Variants in ZNF704 observed in about 807,000 individuals in gnomAD.
ZNF704 encodes zinc finger protein 704.
In ZNF704, 10 loss-of-function variants were observed where a neutral mutation model predicts 44.7. The observed-to-expected ratio is 0.22, with a 90% CI of 0.14 to 0.38. The LOEUF (loss-of-function observed/expected upper bound fraction) is 0.38, where lower values mean the gene tolerates loss of function less well. Among genes scored for constraint, ZNF704 ranks in the 10% least tolerant of loss-of-function variants. ZNF704 has a pLI of 1.00. For synonymous variants in ZNF704, 211 were observed against 207.6 expected (o/e 1.02, Z -0.14); for missense variants, 390 against 545.5 (o/e 0.71, Z 2.84).
chr8:80,868,696 A>C (rs1197958934), intron 1 of ZNF704, among the ~76,000 whole-genome samples: 1 of 152,224 alleles, frequency 6.6e-6, no homozygotes, highest in Non-Finnish European at 1.5e-5. Flanking sequence ...GTTTGAATTA[A>C]TATTACTGCG....
chr8:80,796,957 G>T (rs1037591418), intron 2 of ZNF704, among the ~76,000 whole-genome samples: 3 of 124,820 alleles, frequency 2.4e-5, no homozygotes, highest in Admixed American at 1.8e-4. Flanking sequence ...GAGGGAGGGA[G>T]AGAAGGAAAG....
At chr8:80,735,164 A>G (rs1252966240) in intron 2 of ZNF704, among the ~76,000 whole-genome samples, 1 of 152,336 alleles carries the variant, frequency 6.6e-6, no homozygotes, top group East Asian at 1.9e-4. Context: ...TCCACTTTAT[A>G]TAAGTTAGTC....
chr8:80,660,820 C>T (rs1310760802), intron 6 of ZNF704, among the ~76,000 whole-genome samples: 1 of 152,064 alleles, frequency 6.6e-6, no homozygotes, highest in Non-Finnish European at 1.5e-5. Flanking sequence ...ATGTAAGATC[C>T]TAAACTATAA....
Position 80,690,538 on chromosome 8 carries a change from G to A in ZNF704, c.325+2466C>T, listed in dbSNP as rs867029664. ...CCAAAATCCTAGGCCGGGACTACAG[G>A]CGTGTTACCATACCTGACTATAGTT... is the stretch of plus-strand genomic sequence containing the variant. On this transcript the variant is annotated intron_variant, in intron 3 of 8. Transcript: ENST00000327835. 3.3e-5 allele frequency among the ~76,000 whole-genome samples: 5 copies of A among 152,122 alleles called. No homozygotes were observed. The South Asian group carries it at 1.0e-3, about 32-fold the overall frequency.
At chr8:80,816,957 C>T (rs1808186343) in intron 2 of ZNF704, among the ~76,000 whole-genome samples, 1 of 152,150 alleles carries the variant, frequency 6.6e-6, no homozygotes, top group Non-Finnish European at 1.5e-5. Context: ...AAGATTGTTC[C>T]TACCAACCCC....
chr8:80,862,292 A>G (rs1209790468), intron 1 of ZNF704, among the ~76,000 whole-genome samples: 3 of 152,058 alleles, frequency 2.0e-5, no homozygotes, highest in Non-Finnish European at 4.4e-5. Flanking sequence ...CAAACAATGA[A>G]AACTATATCA....
Position 80,632,794 on chromosome 8 carries a change from T to C in ZNF704, c.*8572A>G, listed in dbSNP as rs190978125. On this transcript the variant is annotated 3_prime_UTR_variant, in exon 9 of 9. Transcript: ENST00000327835. ...TCATGGGTCTTTCTACATCCTGTTA[T>C]TGTCATGGCAACGGCGCTATGATTC... 9.8e-5 allele frequency: 15 copies of C among 152,336 alleles called. No homozygotes were observed. Among genetic ancestry groups the C allele is most frequent in the Admixed American group, 9.1e-4 (14 of 15,306 alleles). 9.4% of individuals were successfully genotyped at this position (152,336 alleles called of 1,614,324 possible).
At chr8:80,651,118 A>C (rs1251461133) in intron 7 of ZNF704, among the ~76,000 whole-genome samples, 5 of 152,234 alleles carry the variant, frequency 3.3e-5, no homozygotes, top group Non-Finnish European at 7.3e-5. Context: ...GCAAATGCTG[A>C]GAGATTTTGT....
At chr8:80,671,918 C>G (rs1818288186) in intron 4 of ZNF704, among the ~76,000 whole-genome samples, 1 of 152,186 alleles carries the variant, frequency 6.6e-6, no homozygotes, top group African/African-American at 2.4e-5. Context: ...ACCACCAGAT[C>G]AGAGTTCTTA....
At position 80,687,882 on chromosome 8, in the gene ZNF704, C is replaced by T. The variant is rs923682429; in HGVS notation, c.326-424G>A. Reference sequence around the variant, plus strand: ...TTGGTCACAGAGTTCCCTCTCACCCCAACCCCTCCGATTTCAACATTTTTT... The same window carrying T: ...TTGGTCACAGAGTTCCCTCTCACCCTAACCCCTCCGATTTCAACATTTTTT... On this transcript the variant is annotated intron_variant, in intron 3 of 8. Transcript: ENST00000327835. Among the ~76,000 whole-genome samples, 4 of 152,284 alleles carry T rather than the reference C, an allele frequency of 2.6e-5. No homozygotes were observed. In the South Asian group the frequency reaches 8.3e-4, roughly 32 times the overall value.
intron 2 of ZNF704, among the ~76,000 whole-genome samples, chr8:80,763,516 G>T (rs573309190): frequency 1.3e-5 from 2 of 152,294 alleles, no homozygotes; most frequent in African/African-American, 4.8e-5. Flanking sequence ...CTGGGACACA[G>T]GGCACCAAGT....
At chr8:80,669,913 C>T (rs6996954) in intron 5 of ZNF704, among the ~76,000 whole-genome samples, 141,871 of 152,300 alleles carry the variant, frequency 0.93, 66,209 homozygotes, top group East Asian at 1. Flanking sequence ...AGGAAAAGTA[C>T]AGATTTTACA....
chr8:80,755,981 C>G (rs1408475247), intron 2 of ZNF704, among the ~76,000 whole-genome samples: 1 of 151,872 alleles, frequency 6.6e-6, no homozygotes, highest in Non-Finnish European at 1.5e-5. Context: ...TGCTGGTACA[C>G]ATCTGCAGTC....
At chr8:80,717,045 C>T (rs1819082425) in intron 2 of ZNF704, among the ~76,000 whole-genome samples, 1 of 152,226 alleles carries the variant, frequency 6.6e-6, no homozygotes, top group Non-Finnish European at 1.5e-5. Flanking sequence ...ACTCTATACT[C>T]TTTAAATAGC....
chr8:80,667,458 T>C lies in ZNF704; in HGVS notation c.660-2376A>G, dbSNP rs138131654. On this transcript the variant is annotated intron_variant, in intron 5 of 8. Transcript: ENST00000327835. ...AAGGGCTGAGACGTTAAGTCCTGGG[T>C]GTATTCTGAAGGTTGGGAGTTAGGA... is the stretch of plus-strand genomic sequence containing the variant. 9.9e-5 allele frequency among the ~76,000 whole-genome samples: 15 copies of C among 152,152 alleles called. No homozygotes were observed. The East Asian group carries it at 2.7e-3, about 27-fold the overall frequency.
chr8:80,824,759 G>T (rs893418090), intron 1 of ZNF704, among the ~76,000 whole-genome samples: 1 of 152,202 alleles, frequency 6.6e-6, no homozygotes, highest in African/African-American at 2.4e-5. Context: ...AAGAGAGTGG[G>T]AGCCAATATC....
intron 1 of ZNF704, among the ~76,000 whole-genome samples, chr8:80,870,042 T>C (rs1563583746): frequency 6.6e-6 from 1 of 152,162 alleles, no homozygotes; most frequent in Non-Finnish European, 1.5e-5. Flanking sequence ...ACAAGTTAAT[T>C]ATTCCCTGGT....
rs116438564 is a variant in ZNF704, at chr8:80,846,006, C to T, written c.-21-24391G>A. 8.2e-3 allele frequency among the ~76,000 whole-genome samples: 1,243 copies of T among 152,104 alleles called. 15 individuals carry two copies. The highest frequency in any genetic ancestry group is 0.028 in the African/African-American group (1,147 of 41,502). ...TATATTTTTATACTCTTTAAAGAAT[C>T]GCTTTATTTTCTATGCTGCTGAGTA... On this transcript the variant is annotated intron_variant, in intron 1 of 8. Transcript: ENST00000327835.
intron 2 of ZNF704, among the ~76,000 whole-genome samples, chr8:80,817,506 G>C (rs529845319): frequency 1.4e-3 from 220 of 152,238 alleles, no homozygotes; most frequent in African/African-American, 5.1e-3. Flanking sequence ...TCTCCCTCCT[G>C]TCCTTGCCCC....
Sources: allele counts gnomAD v4.1 joint callset (sites outside exome capture counted in the v4.1 genomes callset), GRCh38; gene constraint gnomAD v4.1.1; transcripts MANE v1.5; gene names NCBI Gene and HGNC (gene_info 2026-07-23, HGNC 2026-07-21).